Variants in SUSD5 observed in about 807,000 individuals in gnomAD.
SUSD5 encodes sushi domain containing 5.
Under a neutral mutation model 29.5 loss-of-function variants are expected in SUSD5, and 33 were observed. The observed-to-expected ratio is 1.12, with a 90% CI of 0.85 to 1.49. The LOEUF is 1.49. Ranked by LOEUF, SUSD5 falls within the 40% of genes most tolerant of loss-of-function variation. The pLI is 0.00. For missense variants in SUSD5, 776 were observed against 800.6 expected, an observed-to-expected ratio of 0.97 and a Z score of 0.37; for synonymous variants, 308 against 325.3, an observed-to-expected ratio of 0.95 and a Z score of 0.57.
intron 3 of SUSD5, among the ~76,000 whole-genome samples, chr3:33,185,205 C>T (rs1478074436): frequency 1.3e-5 from 2 of 152,208 alleles, no homozygotes; most frequent in African/African-American, 4.8e-5. Context: ...GAATTTCCCT[C>T]CCTCCAGCAG....
At chr3:33,160,894 G>T (rs1308302571) in intron 4 of SUSD5, among the ~76,000 whole-genome samples, 1 of 152,064 alleles carries the variant, frequency 6.6e-6, no homozygotes, top group African/African-American at 2.4e-5. Context: ...AATTAAAACT[G>T]CTAAAAACCA....
intron 3 of SUSD5, among the ~76,000 whole-genome samples, chr3:33,205,938 G>A (rs551695013): frequency 6.6e-6 from 1 of 152,164 alleles, no homozygotes; most frequent in Non-Finnish European, 1.5e-5. Context: ...GATATATCTT[G>A]TTTATTGGAG....
intron 3 of SUSD5, among the ~76,000 whole-genome samples, chr3:33,190,536 T>C (rs2031870256): frequency 6.6e-6 from 1 of 152,224 alleles, no homozygotes; most frequent in African/African-American, 2.4e-5. Context: ...GGATTTACCA[T>C]AATGGGCCCC....
intron 3 of SUSD5, among the ~76,000 whole-genome samples, chr3:33,193,133 G>T (rs2031929820): frequency 6.6e-6 from 1 of 152,158 alleles, no homozygotes; most frequent in African/African-American, 2.4e-5. Context: ...AGGGAGGCAG[G>T]CATGAGTTCA....
At chr3:33,207,502 C>A (rs757983141) in intron 3 of SUSD5, among the ~76,000 whole-genome samples, 1 of 152,194 alleles carries the variant, frequency 6.6e-6, no homozygotes, top group Non-Finnish European at 1.5e-5. Flanking sequence ...CCAGCTCCCT[C>A]ACCCCAATCA....
In SUSD5 at chr3:33,153,052, G is replaced by A. The variant is rs766399690; in HGVS notation, c.1580C>T (p.Pro527Leu). The A allele has an allele frequency of 3.1e-6, 5 of 1,613,720 alleles. No individual in the cohort carries two copies. In the African/African-American group the frequency reaches 5.3e-5, roughly 17 times the overall value. ...GTATGGGAAGCTATCCTGGATCTCA[G>A]GAACAGTGGTTTCTACTGGAGGCTG... ...TTQPPVETTV[P>L]EIQDSFPYLL... The change falls in exon 5 of 5, where the codon CCT (proline) becomes CTT (leucine). Residue 527 changes from proline (P) to leucine (L), a missense_variant. Physicochemically the swap from Pro to Leu is moderately conservative, Grantham distance 98 (BLOSUM62 -3). Transcript: ENST00000309558.
At chr3:33,188,393 T>C (rs7636399) in intron 3 of SUSD5, among the ~76,000 whole-genome samples, 90,621 of 151,946 alleles carry the variant, frequency 0.6, 27,249 homozygotes, top group South Asian at 0.66. Flanking sequence ...TCCCACTCAC[T>C]CCACAACACA....
At chr3:33,192,918 A>G (rs1446412619) in intron 3 of SUSD5, among the ~76,000 whole-genome samples, 1 of 152,044 alleles carries the variant, frequency 6.6e-6, no homozygotes, top group Non-Finnish European at 1.5e-5. Context: ...TTTTCCCACT[A>G]ATTTGAAGTT....
rs566911239 is a variant in SUSD5, at chr3:33,174,972, T to C, written c.512A>G (p.His171Arg). ...DELLYVCAPG[H>R]IMGHRETAFT... ...GGCGGTCTCCCGGTGGCCCATGATG[T>C]GGCCTGGGGCACACACGTACAGCAG... is the stretch of plus-strand genomic sequence containing the variant. Residue 171 changes from histidine to arginine, a missense_variant, in exon 4 of 5, where the codon CAC (histidine) becomes CGC (arginine). Transcript: ENST00000309558. The C allele has an allele frequency of 6.2e-6, 10 of 1,614,016 alleles. No individual in the cohort carries two copies. In the African/African-American group the frequency reaches 6.7e-5, roughly 11 times the overall value.
At chr3:33,186,158 T>C (rs1025995066) in intron 3 of SUSD5, among the ~76,000 whole-genome samples, 13 of 151,710 alleles carry the variant, frequency 8.6e-5, no homozygotes, top group African/African-American at 1.2e-4. Context: ...AAAAATTAGC[T>C]GGGCGTGGTG....
At chr3:33,207,969 T>C in intron 2 of SUSD5, 43 bp from the exon 3 acceptor site, 1 of 1,450,510 alleles carries the variant, frequency 6.9e-7, no homozygotes, top group South Asian at 1.2e-5. Context: ...AAACTCTGGG[T>C]TGAAAATAAT....
chr3:33,175,563 C>A (rs55701550), intron 3 of SUSD5, among the ~76,000 whole-genome samples: 10 of 150,260 alleles, frequency 6.7e-5, no homozygotes, highest in South Asian at 2.1e-4. Flanking sequence ...CACACACACA[C>A]TATATATATA....
At chr3:33,186,363 G>A (rs974488901) in intron 3 of SUSD5, among the ~76,000 whole-genome samples, 2 of 151,510 alleles carry the variant, frequency 1.3e-5, no homozygotes, top group Non-Finnish European at 2.9e-5. Context: ...TAAAAAATAC[G>A]ACTTGTGCTT....
chr3:33,199,444 T>G (rs1047465885), intron 3 of SUSD5, among the ~76,000 whole-genome samples: 2 of 152,058 alleles, frequency 1.3e-5, no homozygotes, highest in Non-Finnish European at 1.5e-5. Flanking sequence ...CGGCTAACTT[T>G]TTGTATTTTT....
intron 3 of SUSD5, among the ~76,000 whole-genome samples, chr3:33,206,480 C>T (rs2032222608): frequency 6.6e-6 from 1 of 151,586 alleles, no homozygotes; most frequent in South Asian, 2.1e-4. Context: ...AAATAAACCA[C>T]AGATACTGCT....
rs1363684558 is a variant in SUSD5, at chr3:33,150,542, AG to A, written c.*2199del. 9 of 152,198 alleles carry A rather than the reference AG, an allele frequency of 5.9e-5. No individual in the cohort carries two copies. The East Asian group carries it at 1.7e-3, about 29-fold the overall frequency. 9.4% of individuals were successfully genotyped at this position (152,198 alleles called of 1,614,324 possible). A position where few individuals can be genotyped will look rare whatever the true frequency, so the allele number is the denominator to read the frequency against. On this transcript the variant is annotated 3_prime_UTR_variant, in exon 5 of 5. Transcript: ENST00000309558. ...TAGGATCTAATTTATAAATATATAC[AG>A]TCTCTGGCTTTTATTCTATTATGTT...
intron 4 of SUSD5, among the ~76,000 whole-genome samples, chr3:33,173,333 C>T (rs1384884812): frequency 6.6e-6 from 1 of 152,236 alleles, no homozygotes; most frequent in Non-Finnish European, 1.5e-5. Context: ...TGCAGCTGAA[C>T]ACACACATAC....
At chr3:33,195,239 G>GC (rs1434886226) in intron 3 of SUSD5, among the ~76,000 whole-genome samples, 1 of 152,162 alleles carries the variant, frequency 6.6e-6, no homozygotes, top group Non-Finnish European at 1.5e-5. Flanking sequence ...CTAAACAGTT[G>GC]CAAGTGGTTT....
rs573842297 is a variant in SUSD5, at chr3:33,152,124, C to T, written c.*618G>A. The T allele has an allele frequency of 6.6e-6, 1 of 152,240 alleles. No homozygotes were observed. Among genetic ancestry groups the T allele is most frequent in the African/African-American group, 2.4e-5 (1 of 41,526 alleles). 9.4% of individuals were successfully genotyped at this position (152,240 alleles called of 1,614,324 possible). On this transcript the variant is annotated 3_prime_UTR_variant, in exon 5 of 5. Transcript: ENST00000309558. ...GGGCATGAAGCTGGTGATTTTCTTT[C>T]TTCAAAAAGGTAATACTGTGATGTG... is the stretch of plus-strand genomic sequence containing the variant.
Sources: allele counts gnomAD v4.1 joint callset (sites outside exome capture counted in the v4.1 genomes callset), GRCh38; gene constraint gnomAD v4.1.1; transcripts MANE v1.5; gene names NCBI Gene and HGNC (gene_info 2026-07-23, HGNC 2026-07-21).